Variants in TNS3 observed in about 807,000 individuals in gnomAD.
The protein encoded by TNS3 is tensin 3, also known as tensin-3.
In TNS3, 45 loss-of-function variants were observed where a neutral mutation model predicts 140.9. The ratio of observed to expected loss-of-function variants is 0.32; its 90% CI spans 0.25 to 0.41. TNS3 has a LOEUF of 0.41. Ranked by LOEUF, TNS3 falls within the 10% of genes least tolerant of loss-of-function variation. TNS3 has a pLI of 1.00. For missense variants in TNS3, 1,716 were observed against 1,906.7 expected, an observed-to-expected ratio of 0.90 and a Z score of 1.86; for synonymous variants, 815 against 788.4, an observed-to-expected ratio of 1.03 and a Z score of -0.56.
chr7:47,474,309 C>T lies in TNS3; in HGVS notation c.-76+6794G>A, dbSNP rs111211441. 1.5e-3 allele frequency among the ~76,000 whole-genome samples: 228 copies of T among 149,834 alleles called. 2 individuals carry two copies. Among genetic ancestry groups the T allele is most frequent in the African/African-American group, 5.2e-3 (210 of 40,582 alleles). On this transcript the variant is annotated intron_variant, in intron 4 of 30. Coordinates refer to ENST00000311160, the MANE Select transcript of TNS3 (RefSeq NM_022748.12). ...CACACACATAAACACACACAGCACA[C>T]ACACCTCACATAACCCACACAACAC...
chr7:47,416,882 T>A (rs1794108524), intron 10 of TNS3, among the ~76,000 whole-genome samples: 1 of 152,188 alleles, frequency 6.6e-6, no homozygotes, highest in Non-Finnish European at 1.5e-5. Flanking sequence ...CTGAGTCACC[T>A]CCTCTGGAGC....
intron 8 of TNS3, among the ~76,000 whole-genome samples, chr7:47,431,542 G>T (rs768756867): frequency 1.3e-5 from 2 of 152,146 alleles, no homozygotes; most frequent in Non-Finnish European, 2.9e-5. Context: ...GCAGTGAGCC[G>T]AGATCACGCC....
intron 4 of TNS3, among the ~76,000 whole-genome samples, chr7:47,471,214 G>A (rs1796938837): frequency 6.6e-6 from 1 of 152,162 alleles, no homozygotes; most frequent in Non-Finnish European, 1.5e-5. Flanking sequence ...GTGAGGGTGG[G>A]GGTGCCACAA....
intron 4 of TNS3, among the ~76,000 whole-genome samples, chr7:47,469,638 T>C (rs1231447773): frequency 6.6e-6 from 1 of 152,070 alleles, no homozygotes; most frequent in Admixed American, 6.5e-5. Flanking sequence ...AGCAAAGACA[T>C]AGAATTATCC....
At chr7:47,544,188 G>A (rs368658858) in intron 1 of TNS3, among the ~76,000 whole-genome samples, 1 of 151,602 alleles carries the variant, frequency 6.6e-6, no homozygotes, top group Admixed American at 6.6e-5. Flanking sequence ...TCCCTTCAGA[G>A]GAGCAGGAAG....
Position 47,289,538 on chromosome 7 carries a change from G to A in TNS3, c.3928+2417C>T, listed in dbSNP as rs140202935. Among the ~76,000 whole-genome samples, 8 of 152,274 alleles carry A rather than the reference G, an allele frequency of 5.3e-5. No homozygotes were observed. In the East Asian group the frequency reaches 9.6e-4, roughly 18 times the overall value. On this transcript the variant is annotated intron_variant, in intron 27 of 30. Coordinates refer to ENST00000311160, the MANE Select transcript of TNS3 (RefSeq NM_022748.12). ...GTAACCTGGCCTGGAACTAGTAAGC[G>A]ATTACAGAAAGATGCTGGATACAAG...
At chr7:47,481,756 G>A in intron 3 of TNS3, 2 of 975,544 alleles carry the variant, frequency 2.1e-6, no homozygotes, top group Non-Finnish European at 2.4e-6. Flanking sequence ...AAGTAACGGA[G>A]GCAAGGTGGC....
intron 4 of TNS3, among the ~76,000 whole-genome samples, chr7:47,456,452 C>A (rs150702736): frequency 1.5e-3 from 235 of 152,288 alleles, no homozygotes; most frequent in African/African-American, 5.2e-3. Context: ...GCACATAATG[C>A]AGAGTTCTAG....
chr7:47,532,385 T>C (rs1303218265), intron 1 of TNS3, among the ~76,000 whole-genome samples: 3 of 152,106 alleles, frequency 2.0e-5, no homozygotes, highest in African/African-American at 7.2e-5. Flanking sequence ...TCCAAGGGCT[T>C]TTCCATGTTC....
chr7:47,379,288 C>A (rs1307845615), intron 16 of TNS3, among the ~76,000 whole-genome samples: 3 of 152,184 alleles, frequency 2.0e-5, no homozygotes, highest in Admixed American at 6.5e-5. Context: ...ATTATCTTAC[C>A]CATAGCATAT....
chr7:47,417,651 T>G (rs1450775420), intron 10 of TNS3, among the ~76,000 whole-genome samples: 2 of 152,214 alleles, frequency 1.3e-5, no homozygotes, highest in African/African-American at 4.8e-5. Flanking sequence ...GAAAACAACT[T>G]TTTATGCATC....
intron 2 of TNS3, among the ~76,000 whole-genome samples, chr7:47,521,737 C>T (rs899858634): frequency 6.6e-6 from 1 of 152,138 alleles, no homozygotes; most frequent in Non-Finnish European, 1.5e-5. Context: ...TGCAGCCGGC[C>T]TCTCAAAGCA....
intron 17 of TNS3, among the ~76,000 whole-genome samples, chr7:47,352,472 G>A (rs1358129435): frequency 2.6e-5 from 4 of 152,212 alleles, no homozygotes; most frequent in Non-Finnish European, 4.4e-5. Flanking sequence ...CGTGATGGTG[G>A]AGGGTCAGGT....
Position 47,304,914 on chromosome 7 carries a change from C to CA in TNS3, c.2739dup (p.Ala914CysfsTer61). ...TGCTGAAAGGAGGGCGTCGAGGACG[C>CA]ATCAGCCCGGAGCATCGTGGATTTG... On this transcript the variant is annotated frameshift_variant, in exon 21 of 31. Transcript: ENST00000311160. LOFTEE classifies it high-confidence loss of function. 1 of 1,437,138 alleles carries CA rather than the reference C, an allele frequency of 7.0e-7. No individual in the cohort carries two copies. Among genetic ancestry groups the CA allele is most frequent in the Non-Finnish European group, 9.2e-7 (1 of 1,082,342 alleles). 89.0% of individuals were successfully genotyped at this position (1,437,138 alleles called of 1,614,324 possible).
chr7:47,324,713 C>G (rs1170821771), intron 20 of TNS3, among the ~76,000 whole-genome samples: 1 of 152,204 alleles, frequency 6.6e-6, no homozygotes, highest in African/African-American at 2.4e-5. Context: ...GATCATGCCA[C>G]TGCACTCTGG....
At chr7:47,533,753 T>C (rs758596383) in intron 1 of TNS3, among the ~76,000 whole-genome samples, 1 of 152,118 alleles carries the variant, frequency 6.6e-6, no homozygotes, top group South Asian at 2.1e-4. Context: ...TGATAATGAA[T>C]AATTATCATG....
In TNS3 at chr7:47,429,005, C is replaced by G. The variant is rs1584637804; in HGVS notation, c.325-629G>C. ...GGAGAAGCAGAAACTATTGGACAGG[C>G]CACCTTCACCCAGGGCCACAGAGTG... On this transcript the variant is annotated intron_variant, in intron 8 of 30. Coordinates refer to ENST00000311160, the MANE Select transcript of TNS3 (RefSeq NM_022748.12). Among the ~76,000 whole-genome samples, 5 of 152,290 alleles carry G rather than the reference C, an allele frequency of 3.3e-5. No homozygotes were observed. In the South Asian group the frequency reaches 1.0e-3, roughly 32 times the overall value.
At chr7:47,381,348 T>C (rs1791747138) in intron 16 of TNS3, among the ~76,000 whole-genome samples, 1 of 152,226 alleles carries the variant, frequency 6.6e-6, no homozygotes, top group African/African-American at 2.4e-5. Flanking sequence ...TTTTGTGTGG[T>C]TAGCCCAGAC....
At position 47,415,085 on chromosome 7, in the gene TNS3, G is replaced by A; in HGVS notation, c.586+9C>T. 1.9e-6 allele frequency: 3 copies of A among 1,603,728 alleles called. No individual in the cohort carries two copies. Among genetic ancestry groups the A allele is most frequent in the East Asian group, 4.5e-5 (2 of 44,390 alleles). ...CAATCGCAGGTGCCACGTCATAGGGGACACTCACCTCCACCTGTGTCGAAG... is the reference window on the plus strand; with the variant it reads ...CAATCGCAGGTGCCACGTCATAGGGAACACTCACCTCCACCTGTGTCGAAG... On this transcript the variant is annotated intron_variant, in intron 11 of 30. Transcript: ENST00000311160.
Sources: gnomAD v4.1 joint callset for allele counts (sites outside exome capture counted in the v4.1 genomes callset) on GRCh38, gnomAD v4.1.1 for gene constraint, MANE v1.5 for transcripts, NCBI Gene and HGNC (gene_info 2026-07-23, HGNC 2026-07-21) for gene names.